TIAM2: variants seen among roughly 807,000 people sequenced by gnomAD.
TIAM2 encodes the protein rho guanine nucleotide exchange factor TIAM2.
TIAM2 carries 80 observed loss-of-function variants against 152.9 expected under a neutral mutation model. That is an observed-to-expected ratio of 0.52 (90% CI 0.44 to 0.63). The LOEUF (loss-of-function observed/expected upper bound fraction) is 0.63, where lower values mean the gene tolerates loss of function less well. TIAM2 is among the 30% of genes least tolerant of loss of function. The pLI, the probability that TIAM2 is intolerant of heterozygous loss-of-function variation, is 0.00. For missense variants in TIAM2, 1,965 were observed against 2,120.1 expected (o/e 0.93, Z 1.44); for synonymous variants, 804 against 838.0 (o/e 0.96, Z 0.70).
At chr6:155,226,484 A>C (rs1782248253) in intron 15 of TIAM2, among the ~76,000 whole-genome samples, 1 of 152,110 alleles carries the variant, frequency 6.6e-6, no homozygotes, top group African/African-American at 2.4e-5. Flanking sequence ...AGCCTGACCA[A>C]CATGGTGAAA....
chr6:155,213,926 A>C lies in TIAM2; in HGVS notation c.3168+2619A>C, dbSNP rs139229210. 6.5e-3 allele frequency among the ~76,000 whole-genome samples: 983 copies of C among 152,342 alleles called. 13 individuals are homozygous for C. Among genetic ancestry groups the C allele is most frequent in the African/African-American group, 0.023 (937 of 41,576 alleles). The stretch of plus-strand genomic sequence containing the variant: ...CACCAGGAGTAGGGAGAAACCAGGC[A>C]GTGGGAGCAGGCTACTTTCGAGCCT... On this transcript the variant is annotated intron_variant, in intron 15 of 26. Coordinates refer to ENST00000682666, the MANE Select transcript of TIAM2 (RefSeq NM_012454.4). This position sits in a 1 kb window ranked among gnomAD's most constrained non-coding sequence, Gnocchi z 4.2.
intron 1 of TIAM2, among the ~76,000 whole-genome samples, chr6:155,035,028 A>G (rs917880411): frequency 9.2e-5 from 14 of 152,214 alleles, no homozygotes; most frequent in African/African-American, 3.4e-4. Flanking sequence ...ATTGTATTTC[A>G]GTAAAACCTA....
intron 14 of TIAM2, among the ~76,000 whole-genome samples, chr6:155,194,986 G>A (rs1452644224): frequency 2.0e-5 from 3 of 152,206 alleles, no homozygotes; most frequent in South Asian, 2.1e-4. Flanking sequence ...ACATGTTTGC[G>A]TCCCCTTCCA....
intron 5 of TIAM2, among the ~76,000 whole-genome samples, chr6:155,140,577 A>G (rs149750092): frequency 1.0e-5 from 1 of 100,194 alleles, no homozygotes; most frequent in Non-Finnish European, 1.8e-5. Context: ...TGTGTGTGAG[A>G]GAGAGAGAGA....
At chr6:155,148,065 G>C in intron 6 of TIAM2, 45 bp from the exon 7 acceptor site, 1 of 1,599,224 alleles carries the variant, frequency 6.3e-7, no homozygotes, top group Non-Finnish European at 8.6e-7. Context: ...GAGCACTTTA[G>C]TGGTAAAATG....
chr6:155,119,751 T>G (rs1025429035), intron 2 of TIAM2, among the ~76,000 whole-genome samples: 1 of 152,232 alleles, frequency 6.6e-6, no homozygotes, highest in African/African-American at 2.4e-5. Context: ...TATAAGTCAG[T>G]TTTTAAAACA....
chr6:155,129,515 G>T lies in TIAM2; in HGVS notation c.292G>T (p.Ala98Ser). Reference protein sequence around the residue: ...GVAYSTHRTNAPGKDFQGISA... With the variant: ...GVAYSTHRTNSPGKDFQGISA... ...TGCCTACTCCACGCACAGGACAAAT[G>T]CCCCAGGGAAGGATTTCCAGGGCAT... is the stretch of plus-strand genomic sequence containing the variant. Residue 98 changes from alanine (A) to serine (S), a missense_variant, in exon 4 of 27, where the codon GCC becomes TCC. By Grantham distance (99) the Ala-to-Ser change is moderately conservative (BLOSUM62 1). This residue lies in a region of TIAM2 where 1,025 missense variants were observed against 1,119.4 expected (regional missense o/e 0.92). Coordinates refer to ENST00000682666, the MANE Select transcript of TIAM2 (RefSeq NM_012454.4). This position sits in a 1 kb window ranked among gnomAD's most constrained non-coding sequence, Gnocchi z 4.8. 1 of 1,614,116 alleles carries T rather than the reference G, an allele frequency of 6.2e-7. No homozygotes were observed. The highest frequency in any genetic ancestry group is 8.5e-7 in the Non-Finnish European group (1 of 1,180,008).
chr6:155,077,791 A>G (rs1777990250), intron 1 of TIAM2, among the ~76,000 whole-genome samples: 1 of 152,184 alleles, frequency 6.6e-6, no homozygotes, highest in Non-Finnish European at 1.5e-5. Context: ...GGGGGAAATT[A>G]GCTGTAGAGA....
intron 2 of TIAM2, among the ~76,000 whole-genome samples, chr6:155,115,150 T>C (rs954619658): frequency 1.5e-5 from 2 of 131,070 alleles, no homozygotes; most frequent in African/African-American, 5.7e-5. Flanking sequence ...TGAAAGGGAA[T>C]CCTGAAAGTT....
intron 1 of TIAM2, among the ~76,000 whole-genome samples, chr6:155,035,131 G>T (rs1361022771): frequency 2.6e-5 from 4 of 151,960 alleles, no homozygotes; most frequent in Admixed American, 6.6e-5. Flanking sequence ...TTTGATCCAC[G>T]TATGCACTGA....
chr6:155,057,613 C>A (rs1777485390), intron 1 of TIAM2, among the ~76,000 whole-genome samples: 2 of 125,686 alleles, frequency 1.6e-5, no homozygotes, highest in Non-Finnish European at 3.1e-5. Context: ...GTGACGTGAT[C>A]TTGCTCACTG....
At chr6:155,244,239 T>C (rs965077783) in intron 17 of TIAM2, among the ~76,000 whole-genome samples, 160 bp downstream of exon 17, 1 of 152,224 alleles carries the variant, frequency 6.6e-6, no homozygotes, top group African/African-American at 2.4e-5. Context: ...CCTAAACCAC[T>C]GCTGTGGCCT....
chr6:155,111,128 C>G (rs775777264), intron 2 of TIAM2, among the ~76,000 whole-genome samples: 2 of 152,104 alleles, frequency 1.3e-5, no homozygotes, highest in Non-Finnish European at 2.9e-5. Flanking sequence ...TAAAGACAGG[C>G]TCTTTTTCGA....
intron 26 of TIAM2, 184 bp downstream of exon 26, chr6:155,254,757 C>G: frequency 3.0e-6 from 2 of 669,396 alleles, no homozygotes; most frequent in Non-Finnish European, 4.9e-6. Flanking sequence ...TACAGCCACC[C>G]CCAACCCCCA....
intron 15 of TIAM2, among the ~76,000 whole-genome samples, chr6:155,228,843 G>A (rs890539903): frequency 4.6e-5 from 7 of 152,160 alleles, no homozygotes; most frequent in South Asian, 2.1e-4. Flanking sequence ...CAGTTGCTCC[G>A]TCCTGGGGAG....
At position 155,137,386 on chromosome 6, in the gene TIAM2, G is replaced by A; in HGVS notation, c.1404G>A (p.Met468Ile). The change falls in exon 5 of 27, where the codon ATG (methionine) becomes ATA (isoleucine). Residue 468 changes from methionine (M) to isoleucine (I), a missense_variant. This residue lies in a region of TIAM2 where 1,025 missense variants were observed against 1,119.4 expected (regional missense o/e 0.92). Transcript: ENST00000682666. ...IYENFMRELE[M>I]SRTNTENIET... is the part of the protein sequence containing the mutation. Reference sequence around the variant, plus strand: ...AGAATTTCATGCGAGAGTTGGAAATGAGCAGGACCAACACTGAGAACATAG... The same window carrying A: ...AGAATTTCATGCGAGAGTTGGAAATAAGCAGGACCAACACTGAGAACATAG... 1 of 1,614,222 alleles carries A rather than the reference G, an allele frequency of 6.2e-7. No individual in the cohort carries two copies. Among genetic ancestry groups the A allele is most frequent in the Non-Finnish European group, 8.5e-7 (1 of 1,180,034 alleles).
chr6:155,238,650 T>C lies in TIAM2; in HGVS notation c.3169-1880T>C, dbSNP rs926308332. Among the ~76,000 whole-genome samples, 3 of 152,228 alleles carry C rather than the reference T, an allele frequency of 2.0e-5. No individual in the cohort carries two copies. The South Asian group carries it at 6.2e-4, about 32-fold the overall frequency. Reference sequence around the variant, plus strand: ...TGGAGCAGGCTCCCTCCAGGACATGTTACAACCCTTTCACCGAAGCCTTCC... The same window carrying C: ...TGGAGCAGGCTCCCTCCAGGACATGCTACAACCCTTTCACCGAAGCCTTCC... On this transcript the variant is annotated intron_variant, in intron 15 of 26. Transcript: ENST00000682666.
rs1260989638 is a variant in TIAM2 at position 155,129,604 on chromosome 6, C to T, written c.381C>T (p.His127=). 4 of 1,614,166 alleles carry T rather than the reference C, an allele frequency of 2.5e-6. No homozygotes were observed. Among genetic ancestry groups the T allele is most frequent in the South Asian group, 2.2e-5 (2 of 91,080 alleles). The change falls in exon 4 of 27, where the codon CAC becomes CAT. Residue 127 remains histidine, a synonymous_variant. Coordinates refer to ENST00000682666, the MANE Select transcript of TIAM2 (RefSeq NM_012454.4). The surrounding 1 kb of genome is among the most constrained non-coding windows in gnomAD (Gnocchi z 4.8). The part of the protein sequence containing the change: ...HSVGHELADN[H]ITSRDCNGHL... The stretch of plus-strand genomic sequence containing the variant: ...TTGGCCACGAGCTGGCAGATAACCA[C>T]ATCACCTCCAGAGACTGCAACGGAC...
chr6:155,044,554 C>G (rs770310859), intron 1 of TIAM2, among the ~76,000 whole-genome samples: 1 of 152,154 alleles, frequency 6.6e-6, no homozygotes, highest in African/African-American at 2.4e-5. Flanking sequence ...CAGTGGCTTA[C>G]GCCTGTAATC....
Sources: gnomAD v4.1 joint callset for allele counts (sites outside exome capture counted in the v4.1 genomes callset) on GRCh38, gnomAD v4.1.1 for gene constraint, gnomAD v4.1.1 regional missense constraint, Gnocchi (gnomAD v3.1) non-coding constraint, MANE v1.5 for transcripts, NCBI Gene and HGNC (gene_info 2026-07-23, HGNC 2026-07-21) for gene names.